Variants in KCNAB1 observed in about 807,000 individuals in gnomAD.
The protein encoded by KCNAB1 is voltage-gated potassium channel subunit beta-1.
Under a neutral mutation model 64.6 loss-of-function variants are expected in KCNAB1, and 35 were observed. That is an observed-to-expected ratio of 0.54 (90% confidence interval 0.41 to 0.72). The LOEUF is 0.72. KCNAB1 is among the 30% of genes least tolerant of loss of function. The probability of loss-of-function intolerance (pLI) is 0.00; values close to 1 mark genes in which losing one functional copy is unlikely to be tolerated. For missense variants in KCNAB1, 401 were observed against 512.9 expected, an observed-to-expected ratio of 0.78 and a Z score of 2.11; for synonymous variants, 177 against 183.8, an observed-to-expected ratio of 0.96 and a Z score of 0.30.
intron 1 of KCNAB1, among the ~76,000 whole-genome samples, chr3:156,202,793 A>G (rs950807271): frequency 1.3e-5 from 2 of 152,178 alleles, no homozygotes; most frequent in African/African-American, 4.8e-5. Flanking sequence ...AATTCTGAAA[A>G]AAAATTCTGA....
At chr3:156,408,214 G>T (rs967395508) in intron 1 of KCNAB1, among the ~76,000 whole-genome samples, 1 of 152,084 alleles carries the variant, frequency 6.6e-6, no homozygotes, top group Admixed American at 6.5e-5. Flanking sequence ...CACGTCTCAG[G>T]GCCCTTCTAG....
chr3:156,198,757 G>A (rs1714127018), intron 1 of KCNAB1, among the ~76,000 whole-genome samples: 1 of 146,274 alleles, frequency 6.8e-6, no homozygotes. Context: ...TATCCAATTT[G>A]CCAGTCTGTG....
intron 1 of KCNAB1, among the ~76,000 whole-genome samples, chr3:156,389,387 G>A (rs1445153298): frequency 6.6e-6 from 1 of 152,188 alleles, no homozygotes; most frequent in African/African-American, 2.4e-5. Context: ...ACCCCAGCAA[G>A]AAGTCAATTA....
At chr3:156,159,214 G>A (rs1207619726) in intron 1 of KCNAB1, among the ~76,000 whole-genome samples, 2 of 152,058 alleles carry the variant, frequency 1.3e-5, no homozygotes, top group African/African-American at 4.8e-5. Context: ...GTTGTGTGTT[G>A]TTTCTATTTC....
intron 8 of KCNAB1, among the ~76,000 whole-genome samples, chr3:156,502,900 G>A (rs1716545568): frequency 6.6e-6 from 1 of 152,158 alleles, no homozygotes; most frequent in African/African-American, 2.4e-5. Flanking sequence ...ACTTAGGTTT[G>A]TTTGTTTGTT....
chr3:156,371,384 A>C (rs1265197755), intron 1 of KCNAB1, among the ~76,000 whole-genome samples: 1 of 152,214 alleles, frequency 6.6e-6, no homozygotes, highest in Non-Finnish European at 1.5e-5. Flanking sequence ...AACAGCAAAA[A>C]GTTCAACAAA....
intron 8 of KCNAB1, among the ~76,000 whole-genome samples, chr3:156,484,150 C>A (rs566251289): frequency 6.6e-6 from 1 of 152,174 alleles, no homozygotes; most frequent in Admixed American, 6.6e-5. Context: ...CCTCCCTCCC[C>A]CACCTTTTTT....
chr3:156,488,907 G>A (rs1474785933), intron 8 of KCNAB1, among the ~76,000 whole-genome samples: 1 of 152,128 alleles, frequency 6.6e-6, no homozygotes, highest in Admixed American at 6.6e-5. Context: ...AATTAGATAT[G>A]AGCGTGACTG....
At chr3:156,461,482 A>G (rs1231585474) in intron 5 of KCNAB1, among the ~76,000 whole-genome samples, 2 of 152,218 alleles carry the variant, frequency 1.3e-5, no homozygotes, top group Non-Finnish European at 2.9e-5. Context: ...TTAACTAATT[A>G]TATCTGCAGT....
chr3:156,130,343 C>T (rs894093827), intron 1 of KCNAB1, among the ~76,000 whole-genome samples: 1 of 151,672 alleles, frequency 6.6e-6, no homozygotes, highest in Non-Finnish European at 1.5e-5. Context: ...CATTCCTTGA[C>T]CTTGAACAAG....
chr3:156,167,011 T>C (rs1457104943), intron 1 of KCNAB1, among the ~76,000 whole-genome samples: 1 of 152,194 alleles, frequency 6.6e-6, no homozygotes, highest in East Asian at 1.9e-4. Context: ...TCTCCATTCC[T>C]GACCAGTGCT....
intron 1 of KCNAB1, among the ~76,000 whole-genome samples, chr3:156,330,946 T>C (rs1430408202): frequency 1.3e-5 from 2 of 152,140 alleles, no homozygotes; most frequent in African/African-American, 4.8e-5. Context: ...TTATATCTAT[T>C]AAAACTACTT....
intron 1 of KCNAB1, among the ~76,000 whole-genome samples, chr3:156,307,965 G>A (rs181605604): frequency 5.9e-5 from 9 of 152,306 alleles, no homozygotes; most frequent in African/African-American, 1.4e-4. Flanking sequence ...GGGAGTGAAC[G>A]AAATAGCCTT....
chr3:156,283,660 C>G (rs1033547380), intron 1 of KCNAB1, among the ~76,000 whole-genome samples: 4 of 151,780 alleles, frequency 2.6e-5, no homozygotes, highest in Non-Finnish European at 4.4e-5. Context: ...AGGCTTTGCT[C>G]ATTTCTTTTT....
chr3:156,324,159 T>C (rs989897569), intron 1 of KCNAB1, among the ~76,000 whole-genome samples: 7 of 152,148 alleles, frequency 4.6e-5, no homozygotes, highest in African/African-American at 1.7e-4. Context: ...TCTGAATTAA[T>C]AGAAAAATTG....
At position 156,445,386 on chromosome 3, in the gene KCNAB1, C is replaced by T. The variant is rs76496215; in HGVS notation, c.320-7513C>T. 3.0e-3 allele frequency among the ~76,000 whole-genome samples: 462 copies of T among 152,266 alleles called. 3 individuals are homozygous for T. Among genetic ancestry groups the T allele is most frequent in the African/African-American group, 9.8e-3 (409 of 41,550 alleles). ...AAACTGTGGTTCTCAACCCTGACTG[C>T]AATTAGAGTTATCTGAGGATCTTTT... On this transcript the variant is annotated intron_variant, in intron 2 of 13. Transcript: ENST00000490337.
At chr3:156,160,147 A>C (rs1715990222) in intron 1 of KCNAB1, among the ~76,000 whole-genome samples, 1 of 152,194 alleles carries the variant, frequency 6.6e-6, no homozygotes, top group Admixed American at 6.5e-5. Context: ...AGAGAATTTG[A>C]TGTAGAGGAA....
rs116232814 is a variant in KCNAB1 at position 156,377,704 on chromosome 3, C to A, written c.276-43912C>A. On this transcript the variant is annotated intron_variant, in intron 1 of 13. Coordinates refer to ENST00000490337, the MANE Select transcript of KCNAB1 (RefSeq NM_172160.3). Reference sequence around the variant, plus strand: ...GAGGTCCCATGCAGGAGGTAAATACCTGCAGGTGTGATATGAGAGCGATTG... The same window carrying A: ...GAGGTCCCATGCAGGAGGTAAATACATGCAGGTGTGATATGAGAGCGATTG... Among the ~76,000 whole-genome samples the A allele has an allele frequency of 7.1e-3, 1,078 of 152,178 alleles. 9 individuals carry two copies. The highest frequency in any genetic ancestry group is 0.025 in the African/African-American group (1,030 of 41,510).
At chr3:156,290,091 T>A (rs1284546204) in intron 1 of KCNAB1, among the ~76,000 whole-genome samples, 1 of 152,200 alleles carries the variant, frequency 6.6e-6, no homozygotes, top group Non-Finnish European at 1.5e-5. Context: ...TTGGTAGAAG[T>A]GTGGGGAATG....
Sources: gnomAD v4.1 joint callset for allele counts (sites outside exome capture counted in the v4.1 genomes callset) on GRCh38, gnomAD v4.1.1 for gene constraint, MANE v1.5 for transcripts, NCBI Gene and HGNC (gene_info 2026-07-23, HGNC 2026-07-21) for gene names.